The following NPAS3 variants were observed in gnomAD, a reference collection of about 807,000 sequenced individuals.
NPAS3 encodes the protein neuronal PAS domain protein 3.
In NPAS3, 14 loss-of-function variants were observed where a neutral mutation model predicts 73.1. That is an observed-to-expected ratio of 0.19 (90% confidence interval 0.13 to 0.30). The LOEUF is 0.30. Among genes scored for constraint, NPAS3 ranks in the 10% least tolerant of loss-of-function variants. The pLI is 1.00. For synonymous variants in NPAS3, 620 were observed against 541.5 expected (o/e 1.14, Z -2.01); for missense variants, 1,096 against 1,250.0 (o/e 0.88, Z 1.86).
chr14:33,125,544 C>T (rs900895809), intron 2 of NPAS3, among the ~76,000 whole-genome samples: 4 of 152,012 alleles, frequency 2.6e-5, no homozygotes, highest in Admixed American at 6.6e-5. Flanking sequence ...TGCATGAGGA[C>T]GTTACTCACC....
intron 1 of NPAS3, among the ~76,000 whole-genome samples, chr14:33,002,725 G>A (rs2038853196): frequency 6.6e-6 from 1 of 152,210 alleles, no homozygotes; most frequent in South Asian, 2.1e-4. Context: ...GTAGCAAATT[G>A]GGAATGAATG....
chr14:33,060,180 T>G (rs2041044739), intron 2 of NPAS3, among the ~76,000 whole-genome samples: 1 of 152,116 alleles, frequency 6.6e-6, no homozygotes, highest in African/African-American at 2.4e-5. Flanking sequence ...TATGAGATAG[T>G]GAGGAAAGAT....
intron 4 of NPAS3, among the ~76,000 whole-genome samples, chr14:33,447,521 A>G (rs572109566): frequency 6.6e-6 from 1 of 152,348 alleles, no homozygotes. Context: ...TAGACATGCA[A>G]CTATAACATG....
At chr14:33,276,691 G>T (rs1259620086) in intron 3 of NPAS3, among the ~76,000 whole-genome samples, 1 of 151,782 alleles carries the variant, frequency 6.6e-6, no homozygotes, top group Non-Finnish European at 1.5e-5. Context: ...TTATTGTGAG[G>T]ATCAAAGATA....
At chr14:33,244,109 C>T (rs1055835694) in intron 3 of NPAS3, among the ~76,000 whole-genome samples, 2 of 151,050 alleles carry the variant, frequency 1.3e-5, no homozygotes, top group African/African-American at 2.4e-5. Flanking sequence ...GAAAATCTAA[C>T]TTTCAATTTT....
chr14:33,610,253 G>C (rs540233530), intron 5 of NPAS3, among the ~76,000 whole-genome samples: 3 of 152,256 alleles, frequency 2.0e-5, no homozygotes, highest in Non-Finnish European at 2.9e-5. Flanking sequence ...TCCCAGGATA[G>C]CATATGTCTG....
intron 5 of NPAS3, among the ~76,000 whole-genome samples, chr14:33,636,519 C>T (rs1263653999): frequency 6.6e-6 from 1 of 152,142 alleles, no homozygotes. Flanking sequence ...CAGGACTTTC[C>T]TAACGCCACA....
chr14:33,758,893 G>A (rs2062197664), intron 7 of NPAS3, among the ~76,000 whole-genome samples: 2 of 152,170 alleles, frequency 1.3e-5, no homozygotes, highest in Non-Finnish European at 2.9e-5. Flanking sequence ...ATTTTAAGTG[G>A]CATGTTGGTA....
intron 4 of NPAS3, among the ~76,000 whole-genome samples, chr14:33,468,140 C>T (rs1284669951): frequency 6.6e-6 from 1 of 152,072 alleles, no homozygotes; most frequent in Non-Finnish European, 1.5e-5. Flanking sequence ...TGAATGGTGA[C>T]GTCAAATGCT....
chr14:33,070,277 C>CT (rs199666619), intron 2 of NPAS3, among the ~76,000 whole-genome samples: 61 of 151,458 alleles, frequency 4.0e-4, no homozygotes, highest in African/African-American at 1.4e-3. Flanking sequence ...TATCTCCTTT[C>CT]TTTTTTTTTC....
chr14:33,001,365 T>A (rs2038799948), intron 1 of NPAS3, among the ~76,000 whole-genome samples: 1 of 152,120 alleles, frequency 6.6e-6, no homozygotes, highest in Non-Finnish European at 1.5e-5. Flanking sequence ...TGTAGGTGGG[T>A]GCCTCTGAGG....
At chr14:33,595,880 C>T (rs2057226905) in intron 5 of NPAS3, among the ~76,000 whole-genome samples, 3 of 152,170 alleles carry the variant, frequency 2.0e-5, no homozygotes, top group Admixed American at 2.0e-4. Context: ...CCGTGTTAGC[C>T]AGGATGGTCT....
chr14:33,304,556 T>G (rs988721390), intron 3 of NPAS3, among the ~76,000 whole-genome samples: 1 of 151,970 alleles, frequency 6.6e-6, no homozygotes, highest in Non-Finnish European at 1.5e-5. Context: ...ACATAAGAAA[T>G]TTGGATTAAG....
intron 1 of NPAS3, among the ~76,000 whole-genome samples, chr14:33,013,954 A>G (rs924469158): frequency 2.6e-5 from 4 of 152,172 alleles, no homozygotes; most frequent in African/African-American, 7.2e-5. Context: ...TGGAAATGTC[A>G]CAATAAAATA....
At chr14:33,003,582 A>G (rs1356508514) in intron 1 of NPAS3, among the ~76,000 whole-genome samples, 2 of 152,244 alleles carry the variant, frequency 1.3e-5, no homozygotes, top group Admixed American at 1.3e-4. Flanking sequence ...GCATTCAGAA[A>G]GGACTATAAC....
At chr14:33,425,499 A>G (rs1169681013) in intron 4 of NPAS3, among the ~76,000 whole-genome samples, 1 of 151,788 alleles carries the variant, frequency 6.6e-6, no homozygotes, top group African/African-American at 2.4e-5. Flanking sequence ...GCAGGGCCTC[A>G]AAAATATACT....
chr14:33,298,902 C>T (rs984149601), intron 3 of NPAS3, among the ~76,000 whole-genome samples: 3 of 152,118 alleles, frequency 2.0e-5, no homozygotes, highest in Non-Finnish European at 4.4e-5. Flanking sequence ...CAACCCCAAC[C>T]ACATCCTATA....
intron 9 of NPAS3, among the ~76,000 whole-genome samples, chr14:33,784,758 T>TTTTTA: frequency 8.0e-6 from 1 of 125,658 alleles, no homozygotes; most frequent in African/African-American, 3.4e-5. Context: ...TTTTTTTTTT[T>TTTTTA]TTTTTTTTTG....
At chr14:33,369,505 G>A (rs1251241670) in intron 4 of NPAS3, among the ~76,000 whole-genome samples, 1 of 148,214 alleles carries the variant, frequency 6.7e-6, no homozygotes, top group Non-Finnish European at 1.5e-5. Flanking sequence ...TTTACATTAT[G>A]TCCATACAAG....
Sources: gnomAD v4.1 joint callset for allele counts (sites outside exome capture counted in the v4.1 genomes callset) on GRCh38, gnomAD v4.1.1 for gene constraint, MANE v1.5 for transcripts, NCBI Gene and HGNC (gene_info 2026-07-23, HGNC 2026-07-21) for gene names.